The following RFX3 variants were observed in gnomAD, a reference collection of about 807,000 sequenced individuals.
The protein encoded by RFX3 is regulatory factor X3, also known as transcription factor RFX3.
In RFX3, 14 loss-of-function variants were observed where a neutral mutation model predicts 98.6. That is an observed-to-expected ratio of 0.14 (90% CI 0.09 to 0.22). The LOEUF is 0.22. Ranked by LOEUF, RFX3 falls within the 10% of genes least tolerant of loss-of-function variation. The probability of loss-of-function intolerance (pLI) is 1.00; values close to 1 mark genes in which losing one functional copy is unlikely to be tolerated. For missense variants in RFX3, 639 were observed against 926.9 expected, an observed-to-expected ratio of 0.69 and a Z score of 4.03; for synonymous variants, 383 against 328.4, an observed-to-expected ratio of 1.17 and a Z score of -1.80.
chr9:3,427,622 T>C (rs1844240545), intron 1 of RFX3, among the ~76,000 whole-genome samples: 1 of 151,620 alleles, frequency 6.6e-6, no homozygotes, highest in African/African-American at 2.4e-5. Flanking sequence ...CTGAATTTGT[T>C]TATGTTTTGT....
chr9:3,345,148 G>C (rs1401679682), intron 3 of RFX3, among the ~76,000 whole-genome samples: 1 of 152,174 alleles, frequency 6.6e-6, no homozygotes, highest in Admixed American at 6.5e-5. Flanking sequence ...GCTAACTGCA[G>C]AGAAGGAGAG....
intron 4 of RFX3, among the ~76,000 whole-genome samples, chr9:3,319,182 G>A (rs1830976762): frequency 6.6e-6 from 1 of 152,220 alleles, no homozygotes; most frequent in South Asian, 2.1e-4. Flanking sequence ...CTTTTAAAGT[G>A]TGGTCTTGGA....
intron 1 of RFX3, among the ~76,000 whole-genome samples, chr9:3,410,924 T>A (rs1041246681): frequency 6.6e-6 from 1 of 152,174 alleles, no homozygotes; most frequent in Non-Finnish European, 1.5e-5. Flanking sequence ...AAAAGCAGTA[T>A]TTCTGTAATA....
rs1169975615 is a variant in RFX3, at chr9:3,293,060, T to C, written c.731+17A>G. ...AAAAAGAGAGATTAGTTTATGATCT[T>C]ATTTTTCAATACTAACCTAGTGCCC... On this transcript the variant is annotated intron_variant, in intron 6 of 16. Transcript: ENST00000617270. 6.3e-7 allele frequency: 1 copy of C among 1,586,506 alleles called. No homozygotes were observed. Among genetic ancestry groups the C allele is most frequent in the Admixed American group, 1.8e-5 (1 of 56,118 alleles).
intron 3 of RFX3, among the ~76,000 whole-genome samples, chr9:3,339,283 C>G (rs930252982): frequency 6.6e-6 from 1 of 152,078 alleles, no homozygotes; most frequent in Non-Finnish European, 1.5e-5. Context: ...GTCACTTGCC[C>G]TGACAACAGA....
At chr9:3,334,506 A>C (rs1307726774) in intron 3 of RFX3, among the ~76,000 whole-genome samples, 1 of 152,198 alleles carries the variant, frequency 6.6e-6, no homozygotes, top group African/African-American at 2.4e-5. Flanking sequence ...AGATATATGA[A>C]ATATCTATAT....
rs1314437145 is a variant in RFX3 at position 3,525,939 on chromosome 9, A to AGG, written c.-203_-202dup. On this transcript the variant is annotated 5_prime_UTR_variant, in exon 1 of 17. Coordinates refer to ENST00000617270, the MANE Select transcript of RFX3 (RefSeq NM_001282116.2). ...TATAACTCACAAAAGAGAGAGAGAG[A>AGG]GGGAGAGAGAGAGAGAGCGAGAGGG... 2 of 823,944 alleles carry AGG rather than the reference A, an allele frequency of 2.4e-6. No individual in the cohort carries two copies. The highest frequency in any genetic ancestry group is 2.2e-5 in the African/African-American group (1 of 46,308). The allele number at this position is 823,944 out of a possible 1,614,324, so 51.0% of individuals were successfully genotyped here.
intron 1 of RFX3, among the ~76,000 whole-genome samples, chr9:3,401,048 C>G (rs570304101): frequency 6.6e-6 from 1 of 152,246 alleles, no homozygotes; most frequent in Non-Finnish European, 1.5e-5. Context: ...TTGGGGTTCT[C>G]AATCGATATT....
chr9:3,329,447 T>C (rs879870104), intron 4 of RFX3, among the ~76,000 whole-genome samples: 1 of 100,748 alleles, frequency 9.9e-6, no homozygotes, highest in Non-Finnish European at 2.0e-5. Flanking sequence ...CACCAAACAA[T>C]AACCCACTGT....
In RFX3 at chr9:3,231,732, T is replaced by A. The variant is rs1340931936; in HGVS notation, c.1969-2843A>T. On this transcript the variant is annotated intron_variant, in intron 15 of 16. Transcript: ENST00000617270. ...GGCAGAAGAAAAATAGTACCATAGATAGGGGCCAGATGACAAGATTAGGCC... is the reference window on the plus strand; with the variant it reads ...GGCAGAAGAAAAATAGTACCATAGAAAGGGGCCAGATGACAAGATTAGGCC... Among the ~76,000 whole-genome samples, 3 of 151,820 alleles carry A rather than the reference T, an allele frequency of 2.0e-5. No homozygotes were observed. In the East Asian group the frequency reaches 5.8e-4, roughly 29 times the overall value.
intron 7 of RFX3, among the ~76,000 whole-genome samples, chr9:3,283,359 T>A (rs1022343996): frequency 4.0e-5 from 6 of 151,784 alleles, no homozygotes; most frequent in African/African-American, 1.4e-4. Flanking sequence ...TTATTCCACT[T>A]GAACTTCAAA....
chr9:3,399,247 C>T (rs117190711), intron 1 of RFX3, among the ~76,000 whole-genome samples: 1,379 of 130,872 alleles, frequency 0.011, 13 homozygotes, highest in East Asian at 0.034. Context: ...CCACCCTGGA[C>T]AATACGGTGA....
chr9:3,294,013 T>TA (rs1341247084), intron 5 of RFX3, among the ~76,000 whole-genome samples: 1 of 152,170 alleles, frequency 6.6e-6, no homozygotes, highest in Admixed American at 6.5e-5. Context: ...TATGTTCACA[T>TA]TCTAAAGTTT....
chr9:3,453,194 A>G (rs1032093487), intron 1 of RFX3, among the ~76,000 whole-genome samples: 1 of 152,072 alleles, frequency 6.6e-6, no homozygotes, highest in African/African-American at 2.4e-5. Flanking sequence ...AGATCTGATT[A>G]ATCACTCTGT....
In RFX3 at chr9:3,220,930, G is replaced by C. The variant is rs1333186371; in HGVS notation, c.*4112C>G. The C allele has an allele frequency of 6.6e-6, 1 of 152,132 alleles. No individual in the cohort carries two copies. Among genetic ancestry groups the C allele is most frequent in the African/African-American group, 2.4e-5 (1 of 41,428 alleles). 9.4% of individuals were successfully genotyped at this position (152,132 alleles called of 1,614,324 possible). On this transcript the variant is annotated 3_prime_UTR_variant, in exon 17 of 17. Transcript: ENST00000617270. ...GGAGGTTGTTCTGATCTAACAACAA[G>C]CCCAATTTTCAACAGCACTGCATGC...
chr9:3,369,985 C>CGT, intron 2 of RFX3, among the ~76,000 whole-genome samples: 2 of 147,976 alleles, frequency 1.4e-5, no homozygotes, highest in African/African-American at 2.5e-5. Context: ...CCCGCCACTA[C>CGT]GCCCGGCTAA....
At chr9:3,483,140 G>C (rs764657059) in intron 1 of RFX3, among the ~76,000 whole-genome samples, 3 of 152,124 alleles carry the variant, frequency 2.0e-5, no homozygotes, top group Non-Finnish European at 4.4e-5. Context: ...CAAGTGGGCA[G>C]CTACTACTCT....
At chr9:3,523,887 T>A (rs1442575521) in intron 1 of RFX3, among the ~76,000 whole-genome samples, 1 of 152,200 alleles carries the variant, frequency 6.6e-6, no homozygotes, top group South Asian at 2.1e-4. Flanking sequence ...CAAAATATCG[T>A]CTTCATTTAA....
intron 1 of RFX3, among the ~76,000 whole-genome samples, chr9:3,510,381 C>T (rs1437518158): frequency 6.6e-6 from 1 of 151,954 alleles, no homozygotes; most frequent in Non-Finnish European, 1.5e-5. Context: ...TGTGAAGAGA[C>T]AGTGTTCTTC....
Sources: gnomAD v4.1 joint callset for allele counts (sites outside exome capture counted in the v4.1 genomes callset) on GRCh38, gnomAD v4.1.1 for gene constraint, MANE v1.5 for transcripts, NCBI Gene and HGNC (gene_info 2026-07-23, HGNC 2026-07-21) for gene names.